EPAS1: variants seen among roughly 807,000 people sequenced by gnomAD.
The protein encoded by EPAS1 is endothelial PAS domain protein 1.
EPAS1 carries 23 observed loss-of-function variants against 87.9 expected under a neutral mutation model. The observed-to-expected ratio is 0.26, with a 90% CI of 0.19 to 0.37. EPAS1 has a LOEUF of 0.37. Among genes scored for constraint, EPAS1 ranks in the 10% least tolerant of loss-of-function variants. EPAS1 has a pLI of 1.00. For synonymous variants in EPAS1, 508 were observed against 444.3 expected (o/e 1.14, Z -1.80); for missense variants, 1,138 against 1,120.7 (o/e 1.02, Z -0.22).
intron 1 of EPAS1, among the ~76,000 whole-genome samples, chr2:46,337,894 G>A (rs1683827857): frequency 6.6e-6 from 1 of 151,998 alleles, no homozygotes; most frequent in Non-Finnish European, 1.5e-5. Context: ...ACTTCTCCAA[G>A]CTGAGAACTA....
In EPAS1 at chr2:46,380,670, G is replaced by A. The variant is rs368445079; in HGVS notation, c.1998G>A (p.Pro666=). 2.7e-5 allele frequency: 43 copies of A among 1,613,828 alleles called. No homozygotes were observed. The highest frequency in any genetic ancestry group is 5.0e-5 in the Admixed American group (3 of 60,000). The change falls in exon 12 of 16, where the codon CCG becomes CCA. Residue 666 remains proline, a synonymous_variant. Coordinates refer to ENST00000263734, the MANE Select transcript of EPAS1 (RefSeq NM_001430.5). This position sits in a 1 kb window ranked among gnomAD's most constrained non-coding sequence, Gnocchi z 4.4. ...DQRTEFLGAA[P]LGPPVSPPHV... is the part of the protein sequence containing the mutation. ...GCACAGAGTTCTTGGGAGCAGCGCC[G>A]TTGGGGCCCCCTGTCTCTCCACCCC... is the stretch of plus-strand genomic sequence containing the variant.
At chr2:46,369,269 T>G (rs557513988) in intron 6 of EPAS1, among the ~76,000 whole-genome samples, 1 of 152,288 alleles carries the variant, frequency 6.6e-6, no homozygotes, top group East Asian at 1.9e-4. Context: ...ACAGACGGGT[T>G]CTGCCTGCCT....
At position 46,338,003 on chromosome 2, in the gene EPAS1, A is replaced by G. The variant is rs548830680; in HGVS notation, c.27-8870A>G. On this transcript the variant is annotated intron_variant, in intron 1 of 15. Coordinates refer to ENST00000263734, the MANE Select transcript of EPAS1 (RefSeq NM_001430.5). ...GCTTCCCAGACCAAGTGTATGTTTCAAAAAGCTCATCAGATTTAGTATCCT... is the reference window on the plus strand; with the variant it reads ...GCTTCCCAGACCAAGTGTATGTTTCGAAAAGCTCATCAGATTTAGTATCCT... Among the ~76,000 whole-genome samples the G allele has an allele frequency of 5.9e-5, 9 of 152,318 alleles. No individual in the cohort carries two copies. In the East Asian group the frequency reaches 1.5e-3, roughly 26 times the overall value.
intron 6 of EPAS1, 75 bp downstream of exon 6, chr2:46,361,165 T>C: frequency 1.3e-6 from 2 of 1,502,620 alleles, no homozygotes; most frequent in Non-Finnish European, 1.8e-6. Flanking sequence ...GTGCCTGTAT[T>C]AAAGGTGTGG....
At position 46,360,781 on chromosome 2, in the gene EPAS1, G is replaced by A; in HGVS notation, c.573+25G>A. 6.2e-7 allele frequency: 1 copy of A among 1,612,460 alleles called. No homozygotes were observed. The highest frequency in any genetic ancestry group is 8.5e-7 in the Non-Finnish European group (1 of 1,178,560). ...GGTAGGGCAACATCAGGCCTGGGTT[G>A]GAGTCCCAGGTGTAGGGTAACGGCG... On this transcript the variant is annotated intron_variant, in intron 5 of 15. Transcript: ENST00000263734. This position sits in a 1 kb window ranked among gnomAD's most constrained non-coding sequence, Gnocchi z 4.5.
At chr2:46,378,635 C>T (rs1036545896) in intron 10 of EPAS1, 22 bp from the exon 11 acceptor site, 5 of 1,600,488 alleles carry the variant, frequency 3.1e-6, no homozygotes, top group African/African-American at 2.7e-5. Context: ...TTGACTCTGT[C>T]CCCCTCCTTC....
chr2:46,380,081 A>T lies in EPAS1; in HGVS notation c.1555-146A>T. On this transcript the variant is annotated intron_variant, in intron 11 of 15. Transcript: ENST00000263734. The surrounding 1 kb of genome is among the most constrained non-coding windows in gnomAD (Gnocchi z 4.4). ...CACAGCCAAGTCTGAGGTTTTCCTG[A>T]TAGGCCCTCGGGAGCCAGTGGAGGC... The T allele has an allele frequency of 7.5e-7, 1 of 1,332,572 alleles. No homozygotes were observed. Among genetic ancestry groups the T allele is most frequent in the Admixed American group, 1.7e-5 (1 of 59,312 alleles). The allele number at this position is 1,332,572 out of a possible 1,614,324, so 82.5% of individuals were successfully genotyped here.
chr2:46,373,066 T>C (rs1684660514), intron 7 of EPAS1, among the ~76,000 whole-genome samples: 1 of 152,228 alleles, frequency 6.6e-6, no homozygotes, highest in African/African-American at 2.4e-5. Flanking sequence ...ACATGTTGTG[T>C]AGCTCAGACT....
At chr2:46,376,809 T>C (rs555041095) in intron 9 of EPAS1, 56 bp downstream of exon 9, 8 of 1,582,718 alleles carry the variant, frequency 5.1e-6, no homozygotes, top group Non-Finnish European at 6.9e-6. Context: ...CTGGGAAGAG[T>C]TCTTACTATA....
Position 46,356,134 on chromosome 2 carries a change from C to CG in EPAS1, c.218-17_218-16insG. On this transcript the variant is annotated splice_polypyrimidine_tract_variant and intron_variant, in intron 2 of 15. Coordinates refer to ENST00000263734, the MANE Select transcript of EPAS1 (RefSeq NM_001430.5). ...CTCCACATTCATGCAAGCTGTCCCA[C>CG]CCCCCCCCCTTTCCAGTTTGCTCTG... The CG allele has an allele frequency of 6.7e-6, 6 of 899,802 alleles. No homozygotes were observed. The highest frequency in any genetic ancestry group is 9.5e-6 in the Non-Finnish European group (6 of 628,778). 55.7% of individuals were successfully genotyped at this position (899,802 alleles called of 1,614,324 possible). A position where few individuals can be genotyped will look rare whatever the true frequency, so the allele number is the denominator to read the frequency against.
chr2:46,323,222 TATA>T (rs1683486243), intron 1 of EPAS1, among the ~76,000 whole-genome samples: 1 of 152,254 alleles, frequency 6.6e-6, no homozygotes, highest in African/African-American at 2.4e-5. Flanking sequence ...TTTAAGCTGC[TATA>T]TTTTGTCTAA....
intron 7 of EPAS1, among the ~76,000 whole-genome samples, chr2:46,370,373 A>G (rs1227907803): frequency 2.0e-5 from 3 of 152,254 alleles, no homozygotes; most frequent in Non-Finnish European, 4.4e-5. Flanking sequence ...GGGGGAGTTG[A>G]GGAAAGGACA....
At chr2:46,304,724 A>G (rs1476984444) in intron 1 of EPAS1, among the ~76,000 whole-genome samples, 1 of 152,122 alleles carries the variant, frequency 6.6e-6, no homozygotes, top group Non-Finnish European at 1.5e-5. Context: ...TAATTACTTC[A>G]GCCTTCGGAC....
chr2:46,334,326 A>T (rs959150985), intron 1 of EPAS1, among the ~76,000 whole-genome samples: 12 of 152,062 alleles, frequency 7.9e-5, no homozygotes, highest in Admixed American at 2.6e-4. Context: ...CACCTTATGG[A>T]TACTCAACAA....
rs202023032 is a variant in EPAS1 at position 46,380,280 on chromosome 2, C to T, written c.1608C>T (p.Asp536=). The change falls in exon 12 of 16, where the codon GAC becomes GAT. Residue 536 remains aspartate, a synonymous_variant. Transcript: ENST00000263734. The surrounding 1 kb of genome is among the most constrained non-coding windows in gnomAD (Gnocchi z 4.4). ...LETLAPYIPM[D]GEDFQLSPIC... ...CACTGGCACCCTATATCCCCATGGA[C>T]GGGGAAGACTTCCAGCTAAGCCCCA... The T allele has an allele frequency of 1.6e-5, 26 of 1,613,958 alleles. 1 individual carries two copies. The highest frequency in any genetic ancestry group is 1.6e-4 in the Middle Eastern group (1 of 6,062).
At position 46,352,927 on chromosome 2, in the gene EPAS1, G is replaced by A. The variant is rs144335675; in HGVS notation, c.218-3224G>A. 1.9e-4 allele frequency among the ~76,000 whole-genome samples: 29 copies of A among 152,342 alleles called. No individual in the cohort carries two copies. In the East Asian group the frequency reaches 5.2e-3, roughly 27 times the overall value. ...TCCTGGAAGCAAATGCACTGGGCAT[G>A]GGTGGAAACCAGTTTGGCTGTGTTG... On this transcript the variant is annotated intron_variant, in intron 2 of 15. Coordinates refer to ENST00000263734, the MANE Select transcript of EPAS1 (RefSeq NM_001430.5).
chr2:46,386,075 T>G lies in EPAS1; in HGVS notation c.*1415T>G, dbSNP rs1473341308. 4 of 152,750 alleles carry G rather than the reference T, an allele frequency of 2.6e-5. No individual in the cohort carries two copies. Among genetic ancestry groups the G allele is most frequent in the Non-Finnish European group, 5.9e-5 (4 of 68,144 alleles). The allele number at this position is 152,750 out of a possible 1,614,324, so 9.5% of individuals were successfully genotyped here. A position where few individuals can be genotyped will look rare whatever the true frequency, so the allele number is the denominator to read the frequency against. Reference sequence around the variant, plus strand: ...GATGGCCCCGCAAGGCCTCCAGGGATGGCCCCTAGCCACAGGCCCTGGCTG... The same window carrying G: ...GATGGCCCCGCAAGGCCTCCAGGGAGGGCCCCTAGCCACAGGCCCTGGCTG... On this transcript the variant is annotated 3_prime_UTR_variant, in exon 16 of 16. Coordinates refer to ENST00000263734, the MANE Select transcript of EPAS1 (RefSeq NM_001430.5).
chr2:46,384,665 G>T lies in EPAS1; in HGVS notation c.*5G>T. ...GCCCTGGACCAGGCCACCTGAGCCA[G>T]GCCTTCTACCTGGGCAGCACCTCTG... On this transcript the variant is annotated 3_prime_UTR_variant, in exon 16 of 16. Coordinates refer to ENST00000263734, the MANE Select transcript of EPAS1 (RefSeq NM_001430.5). The T allele has an allele frequency of 6.2e-7, 1 of 1,613,464 alleles. No homozygotes were observed. The highest frequency in any genetic ancestry group is 8.5e-7 in the Non-Finnish European group (1 of 1,179,962).
At chr2:46,332,424 G>A (rs530385315) in intron 1 of EPAS1, among the ~76,000 whole-genome samples, 7 of 151,732 alleles carry the variant, frequency 4.6e-5, no homozygotes, top group Non-Finnish European at 8.8e-5. Context: ...AATCACTGAC[G>A]GGACCTCAGT....
Sources: allele counts gnomAD v4.1 joint callset (sites outside exome capture counted in the v4.1 genomes callset), GRCh38; gene constraint gnomAD v4.1.1; non-coding constraint Gnocchi (gnomAD v3.1); transcripts MANE v1.5; gene names NCBI Gene and HGNC (gene_info 2026-07-23, HGNC 2026-07-21).